VTI1A: variants seen among roughly 807,000 people sequenced by gnomAD.
The protein encoded by VTI1A is vesicle transport through interaction with t-SNAREs homolog 1A.
Under a neutral mutation model 34.9 loss-of-function variants are expected in VTI1A, and 22 were observed. That is an observed-to-expected ratio of 0.63 (90% confidence interval 0.45 to 0.90). VTI1A has a LOEUF of 0.90. Ranked by LOEUF, VTI1A falls within the 40% of genes least tolerant of loss-of-function variation. The probability of loss-of-function intolerance (pLI) is 0.00; values close to 1 mark genes in which losing one functional copy is unlikely to be tolerated. For missense variants in VTI1A, 268 were observed against 275.6 expected, an observed-to-expected ratio of 0.97 and a Z score of 0.20; for synonymous variants, 87 against 97.3, an observed-to-expected ratio of 0.89 and a Z score of 0.62.
chr10:112,532,002 T>G (rs969669167), intron 4 of VTI1A, among the ~76,000 whole-genome samples: 3 of 150,248 alleles, frequency 2.0e-5, no homozygotes, highest in South Asian at 2.1e-4. Flanking sequence ...AAAGAAAGCT[T>G]CTTATTTTGA....
intron 3 of VTI1A, among the ~76,000 whole-genome samples, chr10:112,493,579 CT>C (rs1203573179): frequency 6.6e-6 from 1 of 152,046 alleles, no homozygotes; most frequent in East Asian, 1.9e-4. Flanking sequence ...CTGATTTTCA[CT>C]ATTAGAATGA....
At chr10:112,793,882 A>T (rs936981017) in intron 7 of VTI1A, among the ~76,000 whole-genome samples, 7 of 152,190 alleles carry the variant, frequency 4.6e-5, no homozygotes, top group Admixed American at 4.6e-4. Context: ...CTCCAGGTGC[A>T]CTGTGTACCC....
chr10:112,693,785 A>G (rs17130015), intron 7 of VTI1A, among the ~76,000 whole-genome samples: 1 of 152,188 alleles, frequency 6.6e-6, no homozygotes, highest in African/African-American at 2.4e-5. Context: ...ATAAATATGC[A>G]CTTGGAGAAA....
chr10:112,567,380 C>T (rs1400023168), intron 5 of VTI1A, among the ~76,000 whole-genome samples: 1 of 152,144 alleles, frequency 6.6e-6, no homozygotes, highest in Non-Finnish European at 1.5e-5. Flanking sequence ...TTTATGAATT[C>T]ACATAAAGTG....
intron 5 of VTI1A, among the ~76,000 whole-genome samples, chr10:112,642,912 G>A (rs1846627712): frequency 6.6e-6 from 1 of 151,552 alleles, no homozygotes; most frequent in Non-Finnish European, 1.5e-5. Context: ...GGTGACACTA[G>A]AACTGTATTT....
At chr10:112,730,428 A>T (rs1446301312) in intron 7 of VTI1A, among the ~76,000 whole-genome samples, 1 of 152,198 alleles carries the variant, frequency 6.6e-6, no homozygotes, top group African/African-American at 2.4e-5. Flanking sequence ...AAGAATAAAG[A>T]TCTACCTTTA....
chr10:112,810,935 G>A (rs2134088072), intron 7 of VTI1A, among the ~76,000 whole-genome samples: 1 of 138,954 alleles, frequency 7.2e-6, no homozygotes, highest in South Asian at 2.5e-4. Flanking sequence ...AAACCAAGAG[G>A]CAAAAACCTG....
At chr10:112,735,418 A>C (rs1389783472) in intron 7 of VTI1A, among the ~76,000 whole-genome samples, 1 of 152,230 alleles carries the variant, frequency 6.6e-6, no homozygotes, top group Admixed American at 6.5e-5. Flanking sequence ...AATGCCGAGT[A>C]AACAATGCAA....
chr10:112,824,583 C>T, the VTI1A span: 1 of 152,462 alleles, frequency 6.6e-6, no homozygotes, highest in East Asian at 1.9e-4. Flanking sequence ...CCTGATACCA[C>T]TTCTGGGTCC....
intron 7 of VTI1A, among the ~76,000 whole-genome samples, chr10:112,790,765 T>G (rs1338614144): frequency 2.0e-5 from 1 of 49,834 alleles, no homozygotes; most frequent in Non-Finnish European, 4.2e-5. Context: ...CTAAAAGACG[T>G]TTTTTTTTTT....
chr10:112,836,504 G>C, the VTI1A span, among the ~76,000 whole-genome samples: 2 of 152,144 alleles, frequency 1.3e-5, no homozygotes, highest in African/African-American at 4.8e-5. Flanking sequence ...TAATATAAAA[G>C]AGAACTTCAA....
At chr10:112,673,166 A>C (rs1032787215) in intron 7 of VTI1A, among the ~76,000 whole-genome samples, 4 of 151,998 alleles carry the variant, frequency 2.6e-5, no homozygotes, top group Admixed American at 6.6e-5. Context: ...AAAAATACAA[A>C]AAAAATTCGC....
At chr10:112,732,989 G>A (rs1157218763) in intron 7 of VTI1A, among the ~76,000 whole-genome samples, 1 of 152,148 alleles carries the variant, frequency 6.6e-6, no homozygotes, top group Non-Finnish European at 1.5e-5. Flanking sequence ...CCAGCAAAAC[G>A]TGCATAATAG....
chr10:112,648,701 TTTAAA>T (rs1247327758), intron 5 of VTI1A, among the ~76,000 whole-genome samples: 4 of 152,236 alleles, frequency 2.6e-5, no homozygotes, highest in Non-Finnish European at 2.9e-5. Flanking sequence ...CAGCAGTCTT[TTTAAA>T]ATTTTTATTA....
chr10:112,703,566 CA>C lies in VTI1A; in HGVS notation c.560+34579del, dbSNP rs918470633. On this transcript the variant is annotated intron_variant, in intron 7 of 7. Coordinates refer to ENST00000393077, the MANE Select transcript of VTI1A (RefSeq NM_145206.4). ...GGGCAACAAGAGCAAAACTCTGTCT[CA>C]AAAAAAAAAATTGCTAAAATTTGGA... Among the ~76,000 whole-genome samples, 48 of 143,572 alleles carry C rather than the reference CA, an allele frequency of 3.3e-4. No individual in the cohort carries two copies. The South Asian group carries it at 7.0e-3, about 21-fold the overall frequency. 94.2% of individuals were successfully genotyped at this position (143,572 alleles called of 152,430 possible).
At chr10:112,644,376 C>A (rs1035137614) in intron 5 of VTI1A, among the ~76,000 whole-genome samples, 2 of 152,054 alleles carry the variant, frequency 1.3e-5, no homozygotes, top group Admixed American at 6.6e-5. Flanking sequence ...ATTAAAGTGA[C>A]GATGGGTTTT....
Position 112,482,939 on chromosome 10 carries a change from C to T in VTI1A, c.264+18282C>T, listed in dbSNP as rs527339787. On this transcript the variant is annotated intron_variant, in intron 3 of 7. Coordinates refer to ENST00000393077, the MANE Select transcript of VTI1A (RefSeq NM_145206.4). ...TTCTGTCTTTTGAATTCTGTCGTGA[C>T]TGGGGCTAAACAACTGTCACTGGCA... Among the ~76,000 whole-genome samples, 42 of 152,222 alleles carry T rather than the reference C, an allele frequency of 2.8e-4. 1 individual carries two copies. The South Asian group carries it at 8.7e-3, about 32-fold the overall frequency.
At chr10:112,602,875 T>G (rs1302730191) in intron 5 of VTI1A, among the ~76,000 whole-genome samples, 1 of 152,230 alleles carries the variant, frequency 6.6e-6, no homozygotes, top group Non-Finnish European at 1.5e-5. Flanking sequence ...GATCAATTTT[T>G]TAAAAGCATT....
chr10:112,538,709 C>G (rs759600177), intron 5 of VTI1A: 23 of 161,344 alleles, frequency 1.4e-4, no homozygotes, highest in Non-Finnish European at 2.7e-5. Context: ...ACATTTTAAT[C>G]AATCTAAATC....
Sources: gnomAD v4.1 joint callset for allele counts (sites outside exome capture counted in the v4.1 genomes callset) on GRCh38, gnomAD v4.1.1 for gene constraint, MANE v1.5 for transcripts, NCBI Gene and HGNC (gene_info 2026-07-23, HGNC 2026-07-21) for gene names.